The following DMD variants were observed in gnomAD, a reference collection of about 807,000 sequenced individuals.
DMD encodes dystrophin.
DMD carries 63 observed loss-of-function variants against 330.1 expected under a neutral mutation model. That is an observed-to-expected ratio of 0.19 (90% CI 0.16 to 0.24). DMD has a LOEUF of 0.24. Ranked by LOEUF, DMD falls within the 10% of genes least tolerant of loss-of-function variation. The pLI, the probability that DMD is intolerant of heterozygous loss-of-function variation, is 1.00. For synonymous variants in DMD, 1,223 were observed against 959.8 expected (o/e 1.27, Z -5.07); for missense variants, 3,344 against 2,684.1 (o/e 1.25, Z -5.43).
At chrX:31,435,261 C>T (rs2064426575) in intron 60 of DMD, among the ~76,000 whole-genome samples, 1 of 112,064 alleles carries the variant, frequency 8.9e-6, no homozygotes, top group Non-Finnish European at 1.9e-5. Context: ...CTATTAATCT[C>T]AGTAAGCGTA....
intron 7 of DMD, among the ~76,000 whole-genome samples, chrX:32,795,405 A>C (rs1179020458): frequency 1.8e-5 from 2 of 112,184 alleles, no homozygotes; most frequent in East Asian, 5.6e-4. Context: ...TGAGAATTGG[A>C]TTGTCAGATG....
chrX:31,660,255 T>C (rs2081049201), intron 53 of DMD, among the ~76,000 whole-genome samples: 1 of 112,123 alleles, frequency 8.9e-6, no homozygotes, highest in African/African-American at 3.2e-5. Context: ...TTTTCTTCCA[T>C]ACTCCTTTTA....
chrX:31,154,866 C>T (rs1207108703), intron 74 of DMD, among the ~76,000 whole-genome samples: 1 of 110,912 alleles, frequency 9.0e-6, no homozygotes, highest in Non-Finnish European at 1.9e-5. Flanking sequence ...ATTCAATACA[C>T]ATGGCTTCTG....
chrX:32,105,413 TA>T (rs1255910287), intron 44 of DMD, among the ~76,000 whole-genome samples: 1 of 112,012 alleles, frequency 8.9e-6, no homozygotes, highest in African/African-American at 3.2e-5. Flanking sequence ...TTAAAATGAA[TA>T]AAGCTATGTG....
At position 31,289,050 on chromosome X, in the gene DMD, C is replaced by A. The variant is rs770167921; in HGVS notation, c.9225-28034G>T. On this transcript the variant is annotated intron_variant, in intron 62 of 78. Transcript: ENST00000357033. ...ATCCTGGCACGTTGGGAGGTCGAGG[C>A]GGGTGGATCATCTAAGGCCAGGAGT... Among the ~76,000 whole-genome samples, 3 of 107,807 alleles carry A rather than the reference C, an allele frequency of 2.8e-5. No homozygotes were observed. In the Admixed American group the frequency reaches 3.0e-4, roughly 11 times the overall value. The allele number at this position is 107,807 out of a possible 115,157, so 93.6% of individuals were successfully genotyped here. A position where few individuals can be genotyped will look rare whatever the true frequency, so the allele number is the denominator to read the frequency against.
Position 32,421,823 on chromosome X carries a change from T to C in DMD, c.4072-9910A>G, listed in dbSNP as rs753122420. Among the ~76,000 whole-genome samples the C allele has an allele frequency of 6.3e-5, 7 of 111,614 alleles. No individual in the cohort carries two copies. In the East Asian group the frequency reaches 1.1e-3, roughly 18 times the overall value. On this transcript the variant is annotated intron_variant, in intron 29 of 78. Transcript: ENST00000357033. ...TGTTAAACTTGTCATACCTCAGATATAGCTGAAGATTAAGATGTGGACAAT... is the reference window on the plus strand; with the variant it reads ...TGTTAAACTTGTCATACCTCAGATACAGCTGAAGATTAAGATGTGGACAAT...
intron 51 of DMD, among the ~76,000 whole-genome samples, chrX:31,759,542 T>C (rs984396262): frequency 8.9e-6 from 1 of 111,752 alleles, no homozygotes; most frequent in East Asian, 2.8e-4. Flanking sequence ...TATCAACGAA[T>C]AGGACAATAG....
chrX:31,862,378 G>A (rs1014058188), intron 48 of DMD, among the ~76,000 whole-genome samples: 2 of 110,694 alleles, frequency 1.8e-5, no homozygotes, highest in Middle Eastern at 4.2e-3. Flanking sequence ...TGATCCACCT[G>A]CCTCAGCCTC....
intron 42 of DMD, among the ~76,000 whole-genome samples, chrX:32,300,612 C>G (rs1303073110): frequency 1.8e-5 from 2 of 111,720 alleles, no homozygotes; most frequent in African/African-American, 6.5e-5. Context: ...TTAAGTTGTA[C>G]ACATCGCCTA....
chrX:32,671,179 T>C, intron 9 of DMD, among the ~76,000 whole-genome samples: 1 of 110,948 alleles, frequency 9.0e-6, no homozygotes, highest in Non-Finnish European at 1.9e-5. Context: ...TCTCTCACCT[T>C]GGATCTTTCA....
intron 62 of DMD, among the ~76,000 whole-genome samples, chrX:31,274,407 A>G (rs1341407770): frequency 8.9e-6 from 1 of 112,084 alleles, no homozygotes; most frequent in Non-Finnish European, 1.9e-5. Flanking sequence ...GCAAGTGAAT[A>G]TTGATTTGGT....
intron 55 of DMD, among the ~76,000 whole-genome samples, chrX:31,585,922 GGTTTGTTTGTTTTT>G (rs1714313201): frequency 9.2e-6 from 1 of 109,239 alleles, no homozygotes; most frequent in Admixed American, 9.7e-5. Flanking sequence ...TTTTTTTTTT[GGTTTGTTTGTTTTT>G]GTTTGTTTGT....
chrX:33,203,666 ATT>A (rs376599340), intron 1 of DMD, among the ~76,000 whole-genome samples: 1 of 102,370 alleles, frequency 9.8e-6, no homozygotes. Context: ...GTCTTCTCTG[ATT>A]TTTTTTTTTT....
At chrX:32,470,309 T>A (rs1177768533) in intron 22 of DMD, among the ~76,000 whole-genome samples, 5 of 111,517 alleles carry the variant, frequency 4.5e-5, no homozygotes, top group African/African-American at 1.6e-4. Flanking sequence ...TGTGATTGTT[T>A]CCATCGATTT....
rs374998559 is a variant in DMD at position 31,890,162 on chromosome X, A to T, written c.6913-14789T>A. Reference sequence around the variant, plus strand: ...AATATGGATTTCAGGGGGGGAAAGAAAGGGAAAACTACACCACATAATCAC... The same window carrying T: ...AATATGGATTTCAGGGGGGGAAAGATAGGGAAAACTACACCACATAATCAC... On this transcript the variant is annotated intron_variant, in intron 47 of 78. Coordinates refer to ENST00000357033, the MANE Select transcript of DMD (RefSeq NM_004006.3). Among the ~76,000 whole-genome samples the T allele has an allele frequency of 6.4e-5, 7 of 109,784 alleles. No individual in the cohort carries two copies. The East Asian group carries it at 2.0e-3, about 32-fold the overall frequency.
chrX:32,946,456 T>G (rs764221872), intron 2 of DMD, among the ~76,000 whole-genome samples: 7 of 111,921 alleles, frequency 6.3e-5, no homozygotes, highest in Non-Finnish European at 1.1e-4. Flanking sequence ...TGTTGTCTAC[T>G]CTGAGTGTTT....
At chrX:32,879,007 C>CAA (rs780431879) in intron 2 of DMD, among the ~76,000 whole-genome samples, 2 of 65,753 alleles carry the variant, frequency 3.0e-5, no homozygotes, top group African/African-American at 1.2e-4. Flanking sequence ...GACTACGTCT[C>CAA]AAAAAAAAAA....
At chrX:33,030,990 A>G (rs1368752612) in intron 1 of DMD, among the ~76,000 whole-genome samples, 4 of 111,655 alleles carry the variant, frequency 3.6e-5, no homozygotes, top group African/African-American at 1.3e-4. Context: ...AAATCACAAG[A>G]TGTATTTACT....
intron 41 of DMD, among the ~76,000 whole-genome samples, chrX:32,335,536 T>A (rs1371054499): frequency 2.0e-5 from 2 of 102,465 alleles, no homozygotes; most frequent in African/African-American, 7.1e-5. Flanking sequence ...ATATAAAACA[T>A]GTTATATATA....
Sources: allele counts gnomAD v4.1 joint callset (sites outside exome capture counted in the v4.1 genomes callset), GRCh38; gene constraint gnomAD v4.1.1; transcripts MANE v1.5; gene names NCBI Gene and HGNC (gene_info 2026-07-23, HGNC 2026-07-21).